Variants in CHST11 observed in about 807,000 individuals in gnomAD.
CHST11 encodes carbohydrate sulfotransferase 11, also known as C4S-1.
In CHST11, 9 loss-of-function variants were observed where a neutral mutation model predicts 30.4. The ratio of observed to expected loss-of-function variants is 0.30; its 90% CI spans 0.18 to 0.52. CHST11 has a LOEUF of 0.52. Ranked by LOEUF, CHST11 falls within the 20% of genes least tolerant of loss-of-function variation. The pLI, the probability that CHST11 is intolerant of heterozygous loss-of-function variation, is 0.97. For missense variants in CHST11, 348 were observed against 460.6 expected, an observed-to-expected ratio of 0.76 and a Z score of 2.24; for synonymous variants, 152 against 187.8, an observed-to-expected ratio of 0.81 and a Z score of 1.56.
At chr12:104,573,591 C>G (rs937520875) in intron 1 of CHST11, among the ~76,000 whole-genome samples, 3 of 152,112 alleles carry the variant, frequency 2.0e-5, no homozygotes, top group Non-Finnish European at 2.9e-5. Context: ...ACAAACCTGA[C>G]AAAAGCAAGA....
At chr12:104,611,468 T>C (rs2039058961) in intron 2 of CHST11, among the ~76,000 whole-genome samples, 1 of 152,234 alleles carries the variant, frequency 6.6e-6, no homozygotes, top group Admixed American at 6.5e-5. Flanking sequence ...TCCACCAGGC[T>C]TTGCGCCCCT....
At chr12:104,523,848 C>G (rs2038097500) in intron 1 of CHST11, among the ~76,000 whole-genome samples, 1 of 152,196 alleles carries the variant, frequency 6.6e-6, no homozygotes, top group East Asian at 1.9e-4. Flanking sequence ...TCTGGGAACC[C>G]TGCAGTGCCT....
chr12:104,457,175 G>T lies in CHST11; in HGVS notation c.-237G>T. On this transcript the variant is annotated 5_prime_UTR_variant, in exon 1 of 3. Coordinates refer to ENST00000303694, the MANE Select transcript of CHST11 (RefSeq NM_018413.6). ...GGAGCGGCGAGGAGGAGGAGCAGGA[G>T]CGCGCAGCCAGCGGGTCCACGCATC... 1 of 352,832 alleles carries T rather than the reference G, an allele frequency of 2.8e-6. No homozygotes were observed. The highest frequency in any genetic ancestry group is 5.1e-6 in the Non-Finnish European group (1 of 195,600). The allele number at this position is 352,832 out of a possible 1,614,324, so 21.9% of individuals were successfully genotyped here. A position where few individuals can be genotyped will look rare whatever the true frequency, so the allele number is the denominator to read the frequency against.
intron 1 of CHST11, among the ~76,000 whole-genome samples, chr12:104,533,369 G>C (rs1253634455): frequency 1.3e-5 from 2 of 152,156 alleles, no homozygotes; most frequent in African/African-American, 4.8e-5. Context: ...TTTGTACTTG[G>C]CCATGCTTTA....
intron 1 of CHST11, among the ~76,000 whole-genome samples, chr12:104,468,621 A>G (rs1299356493): frequency 1.3e-5 from 2 of 152,210 alleles, no homozygotes; most frequent in Non-Finnish European, 2.9e-5. Context: ...CCATCAAAGA[A>G]TCATTCTGCC....
At chr12:104,700,132 C>G (rs2039979084) in intron 2 of CHST11, among the ~76,000 whole-genome samples, 1 of 152,140 alleles carries the variant, frequency 6.6e-6, no homozygotes, top group South Asian at 2.1e-4. Context: ...CAAATACTAC[C>G]CATCTGGTTT....
intron 1 of CHST11, among the ~76,000 whole-genome samples, chr12:104,470,344 G>C (rs1253437233): frequency 6.6e-6 from 1 of 152,172 alleles, no homozygotes; most frequent in African/African-American, 2.4e-5. Context: ...TCTTCACAGG[G>C]CAGCAGGAGA....
intron 1 of CHST11, among the ~76,000 whole-genome samples, chr12:104,588,412 C>T (rs967852322): frequency 6.6e-6 from 1 of 152,176 alleles, no homozygotes; most frequent in African/African-American, 2.4e-5. Flanking sequence ...AGCCACTTTT[C>T]GGGTTACAGC....
intron 2 of CHST11, among the ~76,000 whole-genome samples, chr12:104,694,237 C>G (rs144478091): frequency 3.7e-4 from 56 of 152,272 alleles, no homozygotes; most frequent in African/African-American, 1.3e-3. Context: ...AACCCATATT[C>G]AAACCTACCT....
At chr12:104,543,825 G>A (rs975745619) in intron 1 of CHST11, among the ~76,000 whole-genome samples, 4 of 151,930 alleles carry the variant, frequency 2.6e-5, no homozygotes, top group African/African-American at 9.7e-5. Context: ...CTTTTTTGGG[G>A]CACTGCTAAA....
chr12:104,591,465 G>A (rs1236765352), intron 1 of CHST11, among the ~76,000 whole-genome samples: 1 of 149,720 alleles, frequency 6.7e-6, no homozygotes, highest in Admixed American at 6.6e-5. Context: ...GACAGAAAAG[G>A]GAATTTAAGA....
chr12:104,680,870 C>CATAG (rs1299151260), intron 2 of CHST11, among the ~76,000 whole-genome samples: 1 of 152,204 alleles, frequency 6.6e-6, no homozygotes, highest in East Asian at 1.9e-4. Flanking sequence ...GTGAAGAAGG[C>CATAG]ATAGATGTTA....
At chr12:104,523,472 A>G (rs2038093160) in intron 1 of CHST11, among the ~76,000 whole-genome samples, 1 of 152,214 alleles carries the variant, frequency 6.6e-6, no homozygotes. Flanking sequence ...TTTGTTGAGC[A>G]AAGAGAAATA....
At chr12:104,528,687 G>A (rs1299510202) in intron 1 of CHST11, among the ~76,000 whole-genome samples, 5 of 152,152 alleles carry the variant, frequency 3.3e-5, no homozygotes, top group African/African-American at 7.2e-5. Context: ...TTTTCCTTTG[G>A]TGTTCAGATA....
At chr12:104,710,877 A>G (rs1273423195) in intron 2 of CHST11, among the ~76,000 whole-genome samples, 1 of 152,120 alleles carries the variant, frequency 6.6e-6, no homozygotes, top group African/African-American at 2.4e-5. Context: ...CCCATCTCCT[A>G]AAATCCAACC....
rs1432538876 is a variant in CHST11, at chr12:104,535,930, C to G, written c.119-65976C>G. On this transcript the variant is annotated intron_variant, in intron 1 of 2. Transcript: ENST00000303694. The stretch of plus-strand genomic sequence containing the variant: ...ATACAGTGGATTGTGAAGAACAATC[C>G]TTTTTATTATATAACATTTACTTTC... 5.3e-5 allele frequency among the ~76,000 whole-genome samples: 8 copies of G among 152,214 alleles called. No homozygotes were observed. In the East Asian group the frequency reaches 9.6e-4, roughly 18 times the overall value.
chr12:104,472,432 G>A (rs1004538420), intron 1 of CHST11, among the ~76,000 whole-genome samples: 2 of 151,956 alleles, frequency 1.3e-5, no homozygotes, highest in African/African-American at 2.4e-5. Flanking sequence ...GTCATTTCAG[G>A]CCTCTAAGGT....
At chr12:104,710,406 C>T (rs1278184310) in intron 2 of CHST11, among the ~76,000 whole-genome samples, 1 of 152,124 alleles carries the variant, frequency 6.6e-6, no homozygotes, top group Non-Finnish European at 1.5e-5. Flanking sequence ...CTTCCGTGGG[C>T]TCTCTGGGGA....
At chr12:104,728,448 T>TA (rs35256981) in intron 2 of CHST11, among the ~76,000 whole-genome samples, 2,875 of 144,924 alleles carry the variant, frequency 0.02, 76 homozygotes, top group African/African-American at 0.06. Flanking sequence ...AACTCTTCCT[T>TA]AAAAAAAAAC....
Sources: gnomAD v4.1 joint callset for allele counts (sites outside exome capture counted in the v4.1 genomes callset) on GRCh38, gnomAD v4.1.1 for gene constraint, MANE v1.5 for transcripts, NCBI Gene and HGNC (gene_info 2026-07-23, HGNC 2026-07-21) for gene names.